Variants in TOPAZ1 observed in about 807,000 individuals in gnomAD.
The protein encoded by TOPAZ1 is protein TOPAZ1.
In TOPAZ1, 66 loss-of-function variants were observed where a neutral mutation model predicts 172.2. That is an observed-to-expected ratio of 0.38 (90% confidence interval 0.31 to 0.47). The LOEUF is 0.47. Ranked by LOEUF, TOPAZ1 falls within the 20% of genes least tolerant of loss-of-function variation. TOPAZ1 has a pLI of 0.99. For missense variants in TOPAZ1, 1,822 were observed against 1,972.4 expected (o/e 0.92, Z 1.44); for synonymous variants, 681 against 683.9 (o/e 1.00, Z 0.07).
chr3:44,283,319 G>A (rs1700042831), intron 9 of TOPAZ1, among the ~76,000 whole-genome samples: 1 of 152,066 alleles, frequency 6.6e-6, no homozygotes, highest in Admixed American at 6.6e-5. Flanking sequence ...TACATATGAG[G>A]GGTTTAGTGT....
intron 4 of TOPAZ1, among the ~76,000 whole-genome samples, chr3:44,258,203 A>C (rs991781593): frequency 6.6e-6 from 1 of 152,226 alleles, no homozygotes; most frequent in Non-Finnish European, 1.5e-5. Context: ...GTATCCATAA[A>C]TACTGTTTCA....
At chr3:44,313,309 G>A (rs993683190) in intron 16 of TOPAZ1, among the ~76,000 whole-genome samples, 1 of 151,970 alleles carries the variant, frequency 6.6e-6, no homozygotes, top group Non-Finnish European at 1.5e-5. Context: ...GTTATTTCAG[G>A]TTTATTAGAA....
chr3:44,317,178 T>C (rs1021542738), intron 16 of TOPAZ1, among the ~76,000 whole-genome samples: 2 of 152,198 alleles, frequency 1.3e-5, no homozygotes, highest in African/African-American at 2.4e-5. Flanking sequence ...CCCAGCACTT[T>C]GGGAGGCCGA....
chr3:44,246,748 C>G (rs1002007600), intron 2 of TOPAZ1, among the ~76,000 whole-genome samples: 1 of 152,288 alleles, frequency 6.6e-6, no homozygotes, highest in African/African-American at 2.4e-5. Flanking sequence ...CTTGTTACCA[C>G]CTAACAACTA....
At chr3:44,330,054 C>G (rs1700647154) in intron 19 of TOPAZ1, among the ~76,000 whole-genome samples, 1 of 152,230 alleles carries the variant, frequency 6.6e-6, no homozygotes, top group Admixed American at 6.5e-5. Context: ...CATACTGTCA[C>G]TTCTGTTCTC....
chr3:44,270,361 G>C (rs1699882443), intron 7 of TOPAZ1, among the ~76,000 whole-genome samples: 1 of 152,048 alleles, frequency 6.6e-6, no homozygotes, highest in African/African-American at 2.4e-5. Flanking sequence ...GGATATTTCT[G>C]TTCCTTAGTT....
chr3:44,243,499 G>T lies in TOPAZ1; in HGVS notation c.993G>T (p.Arg331Ser), dbSNP rs1486055301. 3 of 1,551,722 alleles carry T rather than the reference G, an allele frequency of 1.9e-6. No individual in the cohort carries two copies. The Admixed American group carries it at 5.9e-5, about 30-fold the overall frequency. Residue 331 changes from arginine (R) to serine (S), a missense_variant, in exon 2 of 20, where the codon AGG becomes AGT. Arg to Ser is a moderately radical substitution (Grantham distance 110). Transcript: ENST00000309765. The stretch of plus-strand genomic sequence containing the variant: ...AGAGCAGTGTTGGGCGAAAACCCAG[G>T]AAAAGGATGAAGTTGTCTGAAAAAG... ...IEESSVGRKP[R>S]KRMKLSEKAD...
At chr3:44,276,331 A>G (rs751200726) in intron 8 of TOPAZ1, among the ~76,000 whole-genome samples, 3 of 152,062 alleles carry the variant, frequency 2.0e-5, no homozygotes, top group Non-Finnish European at 4.4e-5. Context: ...GTTTTAATCC[A>G]TCTTGAGTTG....
At chr3:44,312,231 CA>C (rs1159011578) in intron 16 of TOPAZ1, among the ~76,000 whole-genome samples, 1,096 of 58,116 alleles carry the variant, frequency 0.019, 10 homozygotes, top group African/African-American at 0.047. Flanking sequence ...ATTGCAAAGC[CA>C]AAAAAAAAAA....
intron 12 of TOPAZ1, among the ~76,000 whole-genome samples, chr3:44,302,193 G>A (rs1422078242): frequency 3.9e-5 from 6 of 152,080 alleles, no homozygotes; most frequent in African/African-American, 1.2e-4. Flanking sequence ...GGCAGATCAC[G>A]AGGTCAGGAG....
At chr3:44,300,934 A>G (rs1190534351) in intron 12 of TOPAZ1, among the ~76,000 whole-genome samples, 5 of 152,206 alleles carry the variant, frequency 3.3e-5, no homozygotes, top group Admixed American at 1.3e-4. Context: ...ATGGCATACT[A>G]TTCAGGAAAA....
chr3:44,320,813 T>C (rs1700499650), intron 16 of TOPAZ1, among the ~76,000 whole-genome samples: 1 of 152,092 alleles, frequency 6.6e-6, no homozygotes, highest in Non-Finnish European at 1.5e-5. Context: ...AAAATAAATA[T>C]AACAAAGTGG....
downstream of TOPAZ1, among the ~76,000 whole-genome samples, chr3:44,335,802 A>G (rs1458161376): frequency 6.6e-6 from 1 of 152,182 alleles, no homozygotes; most frequent in Admixed American, 6.5e-5. Context: ...TCATCTCATT[A>G]GTCCAGTATA....
Position 44,306,415 on chromosome 3 carries a change from C to G in TOPAZ1, c.4129C>G (p.Gln1377Glu). 3 of 1,539,708 alleles carry G rather than the reference C, an allele frequency of 1.9e-6. No homozygotes were observed. Among genetic ancestry groups the G allele is most frequent in the Middle Eastern group, 1.7e-4 (1 of 5,946 alleles). ...SAMYFYHKLL[Q>E]WSKGRKVLEK... ...TATGTACTTCTATCACAAGCTGTTG[C>G]AGTGGTCCAAGGTACTTCATTAAGT... The change falls in exon 15 of 20, where the codon CAG becomes GAG. Residue 1377 changes from glutamine to glutamate, a missense_variant. This residue lies in a region of TOPAZ1 where 333 missense variants were observed against 481.7 expected (regional missense o/e 0.69). Coordinates refer to ENST00000309765, the MANE Select transcript of TOPAZ1 (RefSeq NM_001145030.2).
In TOPAZ1 at chr3:44,243,360, A is replaced by G. The variant is rs768748597; in HGVS notation, c.854A>G (p.Glu285Gly). The change falls in exon 2 of 20, where the codon GAA (glutamate) becomes GGA (glycine). Residue 285 changes from glutamate (E) to glycine (G), a missense_variant. By Grantham distance (98) the Glu-to-Gly change is moderately conservative (BLOSUM62 -2). Transcript: ENST00000309765. ...ATTCCTCAGCTCTTACAAACAGAAG[A>G]AAATGTAATGGGAGTAAATAAGTTA... The part of the protein sequence containing the change: ...NSIPQLLQTE[E>G]NVMGVNKLLP... 1 of 1,551,066 alleles carries G rather than the reference A, an allele frequency of 6.4e-7. No homozygotes were observed. Among genetic ancestry groups the G allele is most frequent in the South Asian group, 1.2e-5 (1 of 83,802 alleles).
At position 44,267,097 on chromosome 3, in the gene TOPAZ1, G is replaced by A. The variant is rs1443979999; in HGVS notation, c.3121G>A (p.Gly1041Ser). 1.3e-6 allele frequency: 2 copies of A among 1,545,886 alleles called. No individual in the cohort carries two copies. The highest frequency in any genetic ancestry group is 2.7e-5 in the African/African-American group (2 of 72,804). The change falls in exon 6 of 20, where the codon GGT becomes AGT. Residue 1041 changes from glycine (G) to serine (S), a missense_variant. Gly to Ser is a moderately conservative substitution (Grantham distance 56, BLOSUM62 0). Coordinates refer to ENST00000309765, the MANE Select transcript of TOPAZ1 (RefSeq NM_001145030.2). Reference sequence around the variant, plus strand: ...ATTAGTACCTCCTTTGAATCTAAGTGGTCGTCAAGAAGACACAATACTGAA... The same window carrying A: ...ATTAGTACCTCCTTTGAATCTAAGTAGTCGTCAAGAAGACACAATACTGAA... ...CLLVPPLNLS[G>S]RQEDTILNTW...
At chr3:44,273,976 T>G (rs1256914419) in intron 8 of TOPAZ1, among the ~76,000 whole-genome samples, 1 of 152,166 alleles carries the variant, frequency 6.6e-6, no homozygotes, top group Non-Finnish European at 1.5e-5. Context: ...AATCCCCATT[T>G]TCTTTGATGA....
chr3:44,288,180 A>G (rs1320103644), intron 11 of TOPAZ1, among the ~76,000 whole-genome samples: 1 of 152,188 alleles, frequency 6.6e-6, no homozygotes, highest in Non-Finnish European at 1.5e-5. Flanking sequence ...AAGACTTACA[A>G]AAATATAAAA....
intron 12 of TOPAZ1, among the ~76,000 whole-genome samples, chr3:44,300,352 A>G (rs552951106): frequency 1.3e-5 from 2 of 152,004 alleles, no homozygotes; most frequent in East Asian, 3.9e-4. Context: ...CAAGAGAATC[A>G]CTTGAACCCA....
Sources: gnomAD v4.1 joint callset for allele counts (sites outside exome capture counted in the v4.1 genomes callset) on GRCh38, gnomAD v4.1.1 for gene constraint, gnomAD v4.1.1 regional missense constraint, MANE v1.5 for transcripts, NCBI Gene and HGNC (gene_info 2026-07-23, HGNC 2026-07-21) for gene names.